CTNS: variants seen among roughly 807,000 people sequenced by gnomAD.
CTNS encodes cystinosin, lysosomal cystine transporter, also known as cystinosin.
In CTNS, 27 loss-of-function variants were observed where a neutral mutation model predicts 43.7. That is an observed-to-expected ratio of 0.62 (90% CI 0.46 to 0.85). CTNS has a LOEUF of 0.85. Ranked by LOEUF, CTNS falls within the 40% of genes least tolerant of loss-of-function variation. The probability of loss-of-function intolerance (pLI) is 0.00; values close to 1 mark genes in which losing one functional copy is unlikely to be tolerated. For synonymous variants in CTNS, 187 were observed against 190.6 expected, an observed-to-expected ratio of 0.98 and a Z score of 0.16; for missense variants, 457 against 475.4, an observed-to-expected ratio of 0.96 and a Z score of 0.36.
chr17:3,638,564 T>C (rs538373702), intron 2 of CTNS, among the ~76,000 whole-genome samples: 1 of 152,346 alleles, frequency 6.6e-6, no homozygotes, highest in South Asian at 2.1e-4. Flanking sequence ...AACATTTTAA[T>C]TGACTTACCT....
At position 3,639,201 on chromosome 17, in the gene CTNS, A is replaced by C. The variant is rs546272000; in HGVS notation, c.-19-987A>C. Among the ~76,000 whole-genome samples, 6 of 152,212 alleles carry C rather than the reference A, an allele frequency of 3.9e-5. No homozygotes were observed. In the South Asian group the frequency reaches 1.2e-3, roughly 32 times the overall value. On this transcript the variant is annotated intron_variant, in intron 2 of 11. Coordinates refer to ENST00000046640, the MANE Select transcript of CTNS (RefSeq NM_004937.3). ...AGGCAGCACGGAGACCAAGCTACAG[A>C]AATCCATGCCGGCCTGGCTGCTCTT...
At position 3,662,960 on chromosome 17, in the gene CTNS, C is replaced by T. The variant is rs2076297700; in HGVS notation, c.*2591C>T. 6.6e-6 allele frequency: 1 copy of T among 152,168 alleles called. No homozygotes were observed. Among genetic ancestry groups the T allele is most frequent in the African/African-American group, 2.4e-5 (1 of 41,432 alleles). The allele number at this position is 152,168 out of a possible 1,614,324, so 9.4% of individuals were successfully genotyped here. ...GGGCGGCAGTGGTTTCCACGGTAAC[C>T]AAAGTAAGGCTTGTGCACTTGCTGA... is the stretch of plus-strand genomic sequence containing the variant. On this transcript the variant is annotated 3_prime_UTR_variant, in exon 12 of 12. Transcript: ENST00000046640.
intron 3 of CTNS, among the ~76,000 whole-genome samples, chr17:3,641,374 ATATATATATATTTTTT>A (rs2075693724): frequency 5.3e-5 from 2 of 37,430 alleles, no homozygotes; most frequent in Non-Finnish European, 9.0e-5. Context: ...ATATATATAT[ATATATATATATTTTTT>A]TTTTTTTTTT....
At chr17:3,647,227 G>C (rs970676985) in intron 3 of CTNS, among the ~76,000 whole-genome samples, 5 of 152,204 alleles carry the variant, frequency 3.3e-5, no homozygotes, top group African/African-American at 1.2e-4. Flanking sequence ...GGACGCTCCG[G>C]CGTTTCCTGC....
intron 4 of CTNS, among the ~76,000 whole-genome samples, chr17:3,647,866 G>A (rs541143675): frequency 5.1e-4 from 77 of 152,334 alleles, no homozygotes; most frequent in African/African-American, 1.7e-3. Flanking sequence ...AGAGAGCCCT[G>A]AAGGTCAAGG....
At chr17:3,654,026 GCCT>G (rs2150917012) in intron 5 of CTNS, among the ~76,000 whole-genome samples, 1 of 152,284 alleles carries the variant, frequency 6.6e-6, no homozygotes, top group East Asian at 1.9e-4. Flanking sequence ...TCATGTATGT[GCCT>G]CCTCTGCTTT....
chr17:3,660,200 A>G (rs376819229), intron 11 of CTNS, 36 bp from the exon 12 acceptor site: 204 of 1,613,492 alleles, frequency 1.3e-4, no homozygotes, highest in Admixed American at 2.3e-4. Context: ...GGAGCTGCCA[A>G]CCTAACACCA....
chr17:3,643,575 T>A (rs535962621), intron 3 of CTNS, among the ~76,000 whole-genome samples: 63 of 142,396 alleles, frequency 4.4e-4, no homozygotes, highest in East Asian at 7.9e-4. Context: ...CAAAAAAAAA[T>A]TTTTTTTTAA....
chr17:3,648,430 C>T (rs2075896504), intron 4 of CTNS, among the ~76,000 whole-genome samples: 1 of 152,260 alleles, frequency 6.6e-6, no homozygotes, highest in Admixed American at 6.5e-5. Flanking sequence ...GATGCCTCTC[C>T]CAGCTTTCCA....
rs1405491253 is a variant in CTNS at position 3,658,126 on chromosome 17, G to T, written c.803G>T (p.Cys268Phe). ...ACCACGTGGCTGCAGTTTCTCTTCTGCTTCTCCTACATCAAGCTCGCAGTC... is the reference window on the plus strand; with the variant it reads ...ACCACGTGGCTGCAGTTTCTCTTCTTCTTCTCCTACATCAAGCTCGCAGTC... ...GVTTWLQFLF[C>F]FSYIKLAVTL... The change falls in exon 10 of 12, where the codon TGC becomes TTC. Residue 268 changes from cysteine to phenylalanine, a missense_variant. By Grantham distance (205) the Cys-to-Phe change is radical. Transcript: ENST00000046640. 6.2e-7 allele frequency: 1 copy of T among 1,612,238 alleles called. No homozygotes were observed. Among genetic ancestry groups the T allele is most frequent in the Admixed American group, 1.7e-5 (1 of 60,026 alleles).
chr17:3,638,857 A>G (rs886986934), intron 2 of CTNS, among the ~76,000 whole-genome samples: 8 of 152,164 alleles, frequency 5.3e-5, no homozygotes, highest in Non-Finnish European at 1.0e-4. Flanking sequence ...CAGGGGACAG[A>G]GCACAGGGAT....
At chr17:3,641,385 T>TATATACATATATATA in intron 3 of CTNS, among the ~76,000 whole-genome samples, 1 of 42,078 alleles carries the variant, frequency 2.4e-5, no homozygotes, top group South Asian at 1.0e-3. Flanking sequence ...TATATATATA[T>TATATACATATATATA]TTTTTTTTTT....
intron 2 of CTNS, among the ~76,000 whole-genome samples, chr17:3,638,195 A>G (rs2075585710): frequency 6.6e-6 from 1 of 151,948 alleles, no homozygotes; most frequent in African/African-American, 2.4e-5. Context: ...TAGCTTTCAC[A>G]AGCCACTAGT....
intron 10 of CTNS, among the ~76,000 whole-genome samples, chr17:3,658,409 C>A (rs1597660662): frequency 6.6e-6 from 1 of 152,338 alleles, no homozygotes; most frequent in East Asian, 1.9e-4. Context: ...CCACGCTCCC[C>A]TAAGCATCAG....
At chr17:3,637,933 C>A (rs535923980) in intron 2 of CTNS, among the ~76,000 whole-genome samples, 8 of 152,252 alleles carry the variant, frequency 5.3e-5, no homozygotes, top group African/African-American at 1.4e-4. Flanking sequence ...TATTTGTGTA[C>A]CCTCTCCAAA....
At position 3,655,365 on chromosome 17, in the gene CTNS, G is replaced by C; in HGVS notation, c.461+13G>C. On this transcript the variant is annotated intron_variant, in intron 7 of 11. Transcript: ENST00000046640. ...GGAGGCGGAAAAGGTAACCCCCTGG[G>C]CCGTATGTGCAGGCTCTCTCGGGGC... 6.2e-7 allele frequency: 1 copy of C among 1,613,832 alleles called. No individual in the cohort carries two copies. Among genetic ancestry groups the C allele is most frequent in the Non-Finnish European group, 8.5e-7 (1 of 1,179,992 alleles).
At chr17:3,638,260 G>A (rs1240996704) in intron 2 of CTNS, among the ~76,000 whole-genome samples, 1 of 149,506 alleles carries the variant, frequency 6.7e-6, no homozygotes, top group East Asian at 2.0e-4. Flanking sequence ...AATTTGAGAC[G>A]GAGTTTCACT....
intron 4 of CTNS, 133 bp downstream of exon 4, chr17:3,647,655 A>G (rs1407936814): frequency 1.2e-6 from 1 of 824,860 alleles, no homozygotes; most frequent in Non-Finnish European, 2.0e-6. Context: ...CAAGCCCTAG[A>G]AAAAGGGATG....
At chr17:3,650,947 C>T (rs1378420791) in intron 5 of CTNS, among the ~76,000 whole-genome samples, 1 of 151,938 alleles carries the variant, frequency 6.6e-6, no homozygotes, top group African/African-American at 2.4e-5. Context: ...GGATTATAGG[C>T]GCCCACCACC....
Sources: allele counts gnomAD v4.1 joint callset (sites outside exome capture counted in the v4.1 genomes callset), GRCh38; gene constraint gnomAD v4.1.1; transcripts MANE v1.5; gene names NCBI Gene and HGNC (gene_info 2026-07-23, HGNC 2026-07-21).